The following NAA60 variants were observed in gnomAD, a reference collection of about 807,000 sequenced individuals.
NAA60 encodes N-alpha-acetyltransferase 60, NatF catalytic subunit.
Under a neutral mutation model 26.1 loss-of-function variants are expected in NAA60, and 8 were observed. The ratio of observed to expected loss-of-function variants is 0.31; its 90% CI spans 0.18 to 0.55. NAA60 has a LOEUF of 0.55. Ranked by LOEUF, NAA60 falls within the 20% of genes least tolerant of loss-of-function variation. NAA60 has a pLI of 0.93. For missense variants in NAA60, 290 were observed against 311.3 expected, an observed-to-expected ratio of 0.93 and a Z score of 0.51; for synonymous variants, 131 against 122.5, an observed-to-expected ratio of 1.07 and a Z score of -0.46.
chr16:3,450,515 A>G (rs28810), intron 2 of NAA60, among the ~76,000 whole-genome samples: 24,023 of 151,930 alleles, frequency 0.16, 2,417 homozygotes, highest in Non-Finnish European at 0.23. Context: ...CCTGGCTAAC[A>G]TGGTGAAACC....
rs2034434275 is a variant in NAA60 at position 3,443,709 on chromosome 16, A to G, written c.-205A>G. On this transcript the variant is annotated 5_prime_UTR_variant, in exon 1 of 8. Coordinates refer to ENST00000407558, the MANE Select transcript of NAA60 (RefSeq NM_001083601.3). The stretch of plus-strand genomic sequence containing the variant: ...TTCCGCTGGCGGGGTCTCCTCCGTG[A>G]GCTCCGGGCCTGTTTGCCTGCTGAA... 2 of 1,439,058 alleles carry G rather than the reference A, an allele frequency of 1.4e-6. No homozygotes were observed. The highest frequency in any genetic ancestry group is 2.9e-5 in the African/African-American group (2 of 69,100). The allele number at this position is 1,439,058 out of a possible 1,614,324, so 89.1% of individuals were successfully genotyped here.
At chr16:3,460,835 T>C (rs1411075850) in intron 2 of NAA60, among the ~76,000 whole-genome samples, 1 of 152,272 alleles carries the variant, frequency 6.6e-6, no homozygotes, top group Non-Finnish European at 1.5e-5. Context: ...TAAGTTCAAA[T>C]GCCGAATTTG....
intron 2 of NAA60, chr16:3,458,100 C>T (rs2035100154): frequency 6.1e-6 from 6 of 985,186 alleles, no homozygotes; most frequent in South Asian, 4.7e-5. Context: ...GGGCTCCGCG[C>T]GGTCCCACTT....
At chr16:3,459,452 A>G (rs1041427040) in intron 2 of NAA60, among the ~76,000 whole-genome samples, 1 of 152,232 alleles carries the variant, frequency 6.6e-6, no homozygotes, top group Non-Finnish European at 1.5e-5. Context: ...AGAGAAGGTG[A>G]GATTAAAGAC....
intron 2 of NAA60, among the ~76,000 whole-genome samples, chr16:3,470,034 G>C (rs1235698049): frequency 5.3e-5 from 8 of 152,216 alleles, no homozygotes; most frequent in Admixed American, 2.0e-4. Context: ...GCTTTAAGCA[G>C]GTCCTTTGTC....
chr16:3,482,620 G>T (rs759677944), intron 5 of NAA60, 22 bp downstream of exon 5: 67 of 1,551,884 alleles, frequency 4.3e-5, no homozygotes, highest in Non-Finnish European at 5.3e-5. Context: ...CGGGCCCGCG[G>T]CTTGGCGCCC....
rs567750962 is a variant in NAA60 at position 3,447,577 on chromosome 16, G to A, written c.-76-894G>A. The A allele has an allele frequency of 1.3e-5, 13 of 985,340 alleles. No homozygotes were observed. In the South Asian group the frequency reaches 2.3e-4, roughly 18 times the overall value. 61.0% of individuals were successfully genotyped at this position (985,340 alleles called of 1,614,324 possible). A position where few individuals can be genotyped will look rare whatever the true frequency, so the allele number is the denominator to read the frequency against. ...CCTTCATGGGAAGTTGATACTGATC[G>A]GAAACTGACACAGAGCCTTCTCACC... On this transcript the variant is annotated intron_variant, in intron 1 of 7. Transcript: ENST00000407558.
intron 2 of NAA60, among the ~76,000 whole-genome samples, chr16:3,465,796 A>T (rs1189549248): frequency 6.6e-6 from 1 of 152,136 alleles, no homozygotes; most frequent in African/African-American, 2.4e-5. Context: ...AAGCACCATG[A>T]CACCCTGGTA....
At chr16:3,465,594 G>A (rs1035173187) in intron 2 of NAA60, among the ~76,000 whole-genome samples, 1 of 152,146 alleles carries the variant, frequency 6.6e-6, no homozygotes, top group African/African-American at 2.4e-5. Flanking sequence ...CTTCCTCTCT[G>A]GGGGGACCCT....
At chr16:3,457,750 G>A (rs1237089841) in intron 2 of NAA60, among the ~76,000 whole-genome samples, 1 of 152,192 alleles carries the variant, frequency 6.6e-6, no homozygotes, top group African/African-American at 2.4e-5. Flanking sequence ...CCTCGGCCCG[G>A]AAACCGCGCC....
chr16:3,452,407 C>G (rs2034819932), intron 2 of NAA60, among the ~76,000 whole-genome samples: 1 of 152,094 alleles, frequency 6.6e-6, no homozygotes, highest in African/African-American at 2.4e-5. Flanking sequence ...GTAATCCTAG[C>G]ACTTTGGGAG....
chr16:3,444,219 T>C (rs1179413350), intron 1 of NAA60, among the ~76,000 whole-genome samples: 1 of 152,064 alleles, frequency 6.6e-6, no homozygotes, highest in African/African-American at 2.4e-5. Flanking sequence ...TCATTTCCTA[T>C]TGTGTGCTGG....
At chr16:3,453,587 T>C (rs935790014) in intron 2 of NAA60, among the ~76,000 whole-genome samples, 2 of 151,976 alleles carry the variant, frequency 1.3e-5, no homozygotes, top group Non-Finnish European at 2.9e-5. Context: ...TTTGTATTTT[T>C]AGTAGAGATG....
At chr16:3,460,912 C>A (rs573402904) in intron 2 of NAA60, among the ~76,000 whole-genome samples, 1 of 152,322 alleles carries the variant, frequency 6.6e-6, no homozygotes, top group East Asian at 1.9e-4. Flanking sequence ...TCCTTCCCTA[C>A]ATATCATTAT....
chr16:3,448,590 G>A (rs935594747), intron 2 of NAA60, 50 bp downstream of exon 2: 1 of 1,452,838 alleles, frequency 6.9e-7, no homozygotes, highest in East Asian at 2.5e-5. Context: ...CTCATAGTCA[G>A]AGGAAGCCTA....
intron 6 of NAA60, 165 bp downstream of exon 6, chr16:3,483,762 C>G: frequency 1.6e-6 from 1 of 627,724 alleles, no homozygotes; most frequent in Non-Finnish European, 2.8e-6. Flanking sequence ...ACCTGACACA[C>G]ATTTGGGTAA....
At chr16:3,465,115 AAGTT>A (rs954516184) in intron 2 of NAA60, among the ~76,000 whole-genome samples, 17 of 151,944 alleles carry the variant, frequency 1.1e-4, no homozygotes, top group Admixed American at 5.2e-4. Flanking sequence ...AAAATACAAA[AAGTT>A]AGCCGAATGT....
At chr16:3,454,424 G>A (rs1186039939) in intron 2 of NAA60, among the ~76,000 whole-genome samples, 3 of 152,210 alleles carry the variant, frequency 2.0e-5, no homozygotes, top group African/African-American at 7.2e-5. Flanking sequence ...CTTAGAGCCA[G>A]AGGGAGAAGG....
intron 1 of NAA60, among the ~76,000 whole-genome samples, chr16:3,444,450 G>GAA (rs912166725): frequency 6.7e-6 from 1 of 150,276 alleles, no homozygotes; most frequent in African/African-American, 2.4e-5. Context: ...GGTGTTTGGG[G>GAA]AAAAAAAAAG....
Sources: gnomAD v4.1 joint callset for allele counts (sites outside exome capture counted in the v4.1 genomes callset) on GRCh38, gnomAD v4.1.1 for gene constraint, MANE v1.5 for transcripts, NCBI Gene and HGNC (gene_info 2026-07-23, HGNC 2026-07-21) for gene names.